DHX38: variants seen among roughly 807,000 people sequenced by gnomAD.
DHX38 encodes the protein pre-mRNA-splicing factor ATP-dependent RNA helicase PRP16.
In DHX38, 100 loss-of-function variants were observed where a neutral mutation model predicts 153.1. That is an observed-to-expected ratio of 0.65 (90% CI 0.56 to 0.77). The LOEUF is 0.77. Among genes scored for constraint, DHX38 ranks in the 30% least tolerant of loss-of-function variants. The pLI, the probability that DHX38 is intolerant of heterozygous loss-of-function variation, is 0.00. For missense variants in DHX38, 1,440 were observed against 1,654.0 expected, an observed-to-expected ratio of 0.87 and a Z score of 2.24; for synonymous variants, 650 against 631.7, an observed-to-expected ratio of 1.03 and a Z score of -0.43.
At position 72,100,609 on chromosome 16, in the gene DHX38, C is replaced by T; in HGVS notation, c.1278+12C>T. 1.9e-6 allele frequency: 3 copies of T among 1,613,202 alleles called. No individual in the cohort carries two copies. The highest frequency in any genetic ancestry group is 1.7e-6 in the Non-Finnish European group (2 of 1,179,632). ...TCTTCACCAAGCAGGTGAGGCTCCT[C>T]TGTGGCCAGGGACAAGACAGCTCAG... On this transcript the variant is annotated intron_variant, in intron 9 of 26. Transcript: ENST00000268482.
intron 1 of DHX38, among the ~76,000 whole-genome samples, chr16:72,095,008 A>G (rs1056418587): frequency 1.3e-5 from 2 of 152,070 alleles, no homozygotes; most frequent in Non-Finnish European, 2.9e-5. Context: ...TCAAAATGTA[A>G]CTCTTGTTTC....
At chr16:72,097,328 G>A (rs2042035353) in intron 3 of DHX38, 1 of 402,618 alleles carries the variant, frequency 2.5e-6, no homozygotes, top group Non-Finnish European at 4.5e-6. Context: ...ACAGTGCTAT[G>A]GAACAAAGCT....
At position 72,112,483 on chromosome 16, in the gene DHX38, C is replaced by T. The variant is rs753324635; in HGVS notation, c.3670C>T (p.Arg1224Cys). ...CATGACCCCTCGCCGCACGCCAGCC[C>T]GCTTTGGTCTGTGAGCTGAGGCTGT... is the stretch of plus-strand genomic sequence containing the variant. ...EPMTPRRTPARFGL is the reference protein window; with the variant it reads ...EPMTPRRTPACFGL Residue 1224 changes from arginine to cysteine, a missense_variant, in exon 27 of 27, where the codon CGC becomes TGC. Transcript: ENST00000268482. 8 of 1,612,098 alleles carry T rather than the reference C, an allele frequency of 5.0e-6. No individual in the cohort carries two copies. The highest frequency in any genetic ancestry group is 3.3e-5 in the South Asian group (3 of 91,088).
At chr16:72,109,348 G>T in intron 24 of DHX38, 67 bp from the exon 25 acceptor site, 1 of 1,550,214 alleles carries the variant, frequency 6.5e-7, no homozygotes. Context: ...GCTCCTAATT[G>T]TGGAACCACT....
rs1218463100 is a variant in DHX38, at chr16:72,104,385, C to T, written c.2011-101C>T. On this transcript the variant is annotated intron_variant, in intron 14 of 26. Coordinates refer to ENST00000268482, the MANE Select transcript of DHX38 (RefSeq NM_014003.4). This position sits in a 1 kb window ranked among gnomAD's most constrained non-coding sequence, Gnocchi z 4.5. Reference sequence around the variant, plus strand: ...GTAAGAATTGAATAGGCCCATTTGTCAGCTTTGGCTTGTGTTTCCTCGGGG... The same window carrying T: ...GTAAGAATTGAATAGGCCCATTTGTTAGCTTTGGCTTGTGTTTCCTCGGGG... The T allele has an allele frequency of 6.7e-7, 1 of 1,498,108 alleles. No homozygotes were observed. The highest frequency in any genetic ancestry group is 9.0e-7 in the Non-Finnish European group (1 of 1,113,194). 92.8% of individuals were successfully genotyped at this position (1,498,108 alleles called of 1,614,324 possible). A position where few individuals can be genotyped will look rare whatever the true frequency, so the allele number is the denominator to read the frequency against.
intron 3 of DHX38, 182 bp from the exon 4 acceptor site, chr16:72,097,495 C>T (rs1254901198): frequency 3.6e-6 from 2 of 556,522 alleles, no homozygotes; most frequent in East Asian, 2.9e-5. Context: ...ATTTTCTAGG[C>T]AGTAACTATT....
intron 1 of DHX38, among the ~76,000 whole-genome samples, chr16:72,094,871 T>G (rs955024259): frequency 6.6e-6 from 1 of 152,274 alleles, no homozygotes; most frequent in African/African-American, 2.4e-5. Context: ...CCAGGGTACC[T>G]TTCCTAGTTT....
intron 1 of DHX38, chr16:72,094,381 C>T (rs1168084919): frequency 6.6e-6 from 1 of 152,270 alleles, no homozygotes; most frequent in South Asian, 2.1e-4. Context: ...TTGTGTCTTC[C>T]TCTGCTCTCT....
In DHX38 at chr16:72,099,210, G is replaced by A. The variant is rs368516031; in HGVS notation, c.890G>A (p.Arg297His). ...GCTTCCTGTGCTCCTCCAGGAAGAC[G>A]TGAGGAGGGCGAAGAAGGAATTTCA... ...TPRLSRGRGR[R>H]EEGEEGISFD... Residue 297 changes from arginine (R) to histidine (H), a missense_variant, in exon 7 of 27, where the codon CGT (arginine) becomes CAT (histidine). Around this residue, in one of 6 missense-constraint regions of DHX38, gnomAD observed 483 missense variants for 465.1 expected, o/e 1.04. Transcript: ENST00000268482. 7 of 1,611,096 alleles carry A rather than the reference G, an allele frequency of 4.3e-6. No homozygotes were observed. The highest frequency in any genetic ancestry group is 2.2e-5 in the East Asian group (1 of 44,848).
At chr16:72,101,431 G>A (rs1457548026) in intron 10 of DHX38, 69 bp from the exon 11 acceptor site, 6 of 1,463,534 alleles carry the variant, frequency 4.1e-6, no homozygotes, top group Admixed American at 4.0e-5. Flanking sequence ...CTGCTCTCCC[G>A]TGGGATTGAT....
At chr16:72,108,696 C>A (rs9925763) in intron 23 of DHX38, 89 bp downstream of exon 23, 617,202 of 1,584,374 alleles carry the variant, frequency 0.39, 125,965 homozygotes, top group African/African-American at 0.72. Flanking sequence ...TTCTGCAGAT[C>A]TGGGCTTCCG....
At chr16:72,108,200 G>C (rs753691221) in intron 21 of DHX38, 27 bp from the exon 22 acceptor site, 4 of 1,612,074 alleles carry the variant, frequency 2.5e-6, no homozygotes, top group Non-Finnish European at 3.4e-6. Flanking sequence ...CCTGTACTTA[G>C]AGTGAAGGTT....
At chr16:72,097,433 A>T in intron 3 of DHX38, 1 of 503,232 alleles carries the variant, frequency 2.0e-6, no homozygotes, top group Non-Finnish European at 3.6e-6. Flanking sequence ...GTAAACTCGC[A>T]CTAGTATTTT....
rs1335993452 is a variant in DHX38, at chr16:72,098,693, A to G, written c.665A>G (p.Tyr222Cys). Reference sequence around the variant, plus strand: ...ACCTGGGAGGAAGAGGACAGTGGCTATGGCTCCTCAAGGCGCTCACAGTGG... The same window carrying G: ...ACCTGGGAGGAAGAGGACAGTGGCTGTGGCTCCTCAAGGCGCTCACAGTGG... ...RSTWEEEDSG[Y>C]GSSRRSQWES... The change falls in exon 5 of 27, where the codon TAT becomes TGT. Residue 222 changes from tyrosine (Y) to cysteine (C), a missense_variant. Tyr to Cys is a radical substitution (Grantham distance 194). Around this residue, in one of 6 missense-constraint regions of DHX38, gnomAD observed 483 missense variants for 465.1 expected, o/e 1.04. Transcript: ENST00000268482. 3.1e-6 allele frequency: 5 copies of G among 1,613,758 alleles called. No homozygotes were observed. The highest frequency in any genetic ancestry group is 2.2e-5 in the East Asian group (1 of 44,852).
chr16:72,111,317 G>A (rs2042253070), intron 26 of DHX38, among the ~76,000 whole-genome samples: 3 of 152,260 alleles, frequency 2.0e-5, no homozygotes, highest in Non-Finnish European at 4.4e-5. Context: ...GGAGTAGCAG[G>A]ATGGGTTTCA....
intron 17 of DHX38, 64 bp from the exon 18 acceptor site, chr16:72,105,453 C>A: frequency 6.2e-7 from 1 of 1,604,802 alleles, no homozygotes; most frequent in Non-Finnish European, 8.5e-7. Context: ...TAGGCTTTTC[C>A]CCCTCGCGGA....
In DHX38 at chr16:72,096,807, C is replaced by T; in HGVS notation, c.324-15C>T. 6.2e-7 allele frequency: 1 copy of T among 1,603,724 alleles called. No homozygotes were observed. On this transcript the variant is annotated splice_polypyrimidine_tract_variant and intron_variant, in intron 2 of 26. Coordinates refer to ENST00000268482, the MANE Select transcript of DHX38 (RefSeq NM_014003.4). ...CCTATGGAGGGGCCTTTACCAGTTG[C>T]TCTCCCTGTTTCAGACATTATCGGT...
chr16:72,112,314 T>G, intron 26 of DHX38, 99 bp from the exon 27 acceptor site: 3 of 1,196,034 alleles, frequency 2.5e-6, no homozygotes, highest in Non-Finnish European at 3.7e-6. Flanking sequence ...CTCCCCACCA[T>G]GGGTTAGGAA....
Position 72,104,895 on chromosome 16 carries a change from A to G in DHX38, c.2152-132A>G, listed in dbSNP as rs1387589866. ...TTGTAGAGGCCTCGCAGTCAGGCCC[A>G]TGTGGAGGTGTGGTGGCCCTCAAAG... On this transcript the variant is annotated intron_variant, in intron 15 of 26. Transcript: ENST00000268482. This position sits in a 1 kb window ranked among gnomAD's most constrained non-coding sequence, Gnocchi z 4.5. 4.3e-6 allele frequency: 4 copies of G among 924,088 alleles called. No individual in the cohort carries two copies. Among genetic ancestry groups the G allele is most frequent in the Non-Finnish European group, 4.8e-6 (3 of 619,078 alleles). 57.2% of individuals were successfully genotyped at this position (924,088 alleles called of 1,614,324 possible).
Sources: allele counts gnomAD v4.1 joint callset (sites outside exome capture counted in the v4.1 genomes callset), GRCh38; gene constraint gnomAD v4.1.1; regional missense constraint gnomAD v4.1.1; non-coding constraint Gnocchi (gnomAD v3.1); transcripts MANE v1.5; gene names NCBI Gene and HGNC (gene_info 2026-07-23, HGNC 2026-07-21).